PTGES3: variants seen among roughly 807,000 people sequenced by gnomAD.
PTGES3 encodes prostaglandin E synthase 3.
In PTGES3, 5 loss-of-function variants were observed where a neutral mutation model predicts 29.9. The ratio of observed to expected loss-of-function variants is 0.17; its 90% confidence interval spans 0.09 to 0.35. The LOEUF (loss-of-function observed/expected upper bound fraction) is 0.35. Among genes scored for constraint, PTGES3 ranks in the 10% least tolerant of loss-of-function variants. PTGES3 has a pLI of 1.00. For missense variants in PTGES3, 128 were observed against 190.0 expected (o/e 0.67, Z 1.92); for synonymous variants, 49 against 57.8 (o/e 0.85, Z 0.69).
At chr12:56,667,314 T>G (rs1397776978) in intron 5 of PTGES3, among the ~76,000 whole-genome samples, 2 of 152,222 alleles carry the variant, frequency 1.3e-5, no homozygotes, top group African/African-American at 2.4e-5. Context: ...TTTTCTCAAG[T>G]TTAAACCATT....
chr12:56,674,305 C>G (rs979886611), intron 1 of PTGES3, among the ~76,000 whole-genome samples: 1 of 152,162 alleles, frequency 6.6e-6, no homozygotes, highest in Non-Finnish European at 1.5e-5. Context: ...ACTAATCCTG[C>G]TGACACCTTC....
chr12:56,681,402 G>A (rs1206762105), intron 1 of PTGES3, among the ~76,000 whole-genome samples: 1 of 151,760 alleles, frequency 6.6e-6, no homozygotes. Context: ...GCCGGATGAG[G>A]TGGCGGGAGC....
At chr12:56,687,036 T>G (rs954844416) in intron 1 of PTGES3, 102 of 367,538 alleles carry the variant, frequency 2.8e-4, no homozygotes, top group Non-Finnish European at 4.1e-4. Context: ...AAAAACCCTG[T>G]AAAACCGGCA....
rs183165572 is a variant in PTGES3 at position 56,665,967 on chromosome 12, T to C, written c.438+237A>G. On this transcript the variant is annotated intron_variant, in intron 6 of 7. Coordinates refer to ENST00000262033, the MANE Select transcript of PTGES3 (RefSeq NM_006601.7). Reference sequence around the variant, plus strand: ...GTACGGTATTAATATATAATGTCTCTATACAATGATTCTTTGGAAATCTAA... The same window carrying C: ...GTACGGTATTAATATATAATGTCTCCATACAATGATTCTTTGGAAATCTAA... 3.2e-5 allele frequency: 40 copies of C among 1,251,622 alleles called. 1 individual carries two copies. In the East Asian group the frequency reaches 1.2e-3, roughly 36 times the overall value. The allele number at this position is 1,251,622 out of a possible 1,614,324, so 77.5% of individuals were successfully genotyped here.
At chr12:56,676,537 AAAG>A (rs1193214212) in intron 1 of PTGES3, among the ~76,000 whole-genome samples, 3 of 152,156 alleles carry the variant, frequency 2.0e-5, no homozygotes, top group African/African-American at 7.2e-5. Context: ...GGGGATGTTA[AAAG>A]AAGAATGCTT....
rs1164653881 is a variant in PTGES3 at position 56,673,485 on chromosome 12, G to GA, written c.3-421dup. 4.6e-3 allele frequency among the ~76,000 whole-genome samples: 292 copies of GA among 62,808 alleles called. 14 individuals are homozygous for GA. Among genetic ancestry groups the GA allele is most frequent in the Non-Finnish European group, 6.0e-3 (228 of 37,822 alleles). 41.2% of individuals were successfully genotyped at this position (62,808 alleles called of 152,430 possible). ...CGACTCTACTACAAATACAAATACG[G>GA]AAAAAAAAAAAAAAAAAAAAAAAAA... is the stretch of plus-strand genomic sequence containing the variant. On this transcript the variant is annotated intron_variant, in intron 1 of 7. Transcript: ENST00000262033.
intron 6 of PTGES3, 179 bp from the exon 7 acceptor site, chr12:56,664,979 A>G (rs1485721451): frequency 1.0e-6 from 1 of 985,332 alleles, no homozygotes; most frequent in African/African-American, 1.7e-5. Context: ...GAATGGATGT[A>G]CAGCAGAGGA....
rs1414655638 is a variant in PTGES3 at position 56,663,399 on chromosome 12, T to C, written c.*1080A>G. 1 of 152,196 alleles carries C rather than the reference T, an allele frequency of 6.6e-6. No homozygotes were observed. Among genetic ancestry groups the C allele is most frequent in the Non-Finnish European group, 1.5e-5 (1 of 68,014 alleles). 9.4% of individuals were successfully genotyped at this position (152,196 alleles called of 1,614,324 possible). ...TATTTCAATCAAATCACACAACACT[T>C]TCTTTTCCAACTGCTGCAAAGTGCA... On this transcript the variant is annotated 3_prime_UTR_variant, in exon 8 of 8. Coordinates refer to ENST00000262033, the MANE Select transcript of PTGES3 (RefSeq NM_006601.7).
chr12:56,680,574 T>C (rs1952485520), intron 1 of PTGES3, among the ~76,000 whole-genome samples: 1 of 151,866 alleles, frequency 6.6e-6, no homozygotes, highest in South Asian at 2.1e-4. Flanking sequence ...AGAGATGGGG[T>C]TTCACCACGC....
In PTGES3 at chr12:56,670,262, T is replaced by C. The variant is rs752547963; in HGVS notation, c.375+13A>G. 1 of 1,581,924 alleles carries C rather than the reference T, an allele frequency of 6.3e-7. No homozygotes were observed. Among genetic ancestry groups the C allele is most frequent in the Admixed American group, 1.7e-5 (1 of 59,954 alleles). On this transcript the variant is annotated intron_variant, in intron 5 of 7. Transcript: ENST00000262033. ...TGCTTCGAATGGGGAGAGGTCCATT[T>C]AAAGGAACTTACCTCAGAGAAACGA...
At chr12:56,680,781 GTTTTT>G (rs11302495) in intron 1 of PTGES3, among the ~76,000 whole-genome samples, 1 of 141,846 alleles carries the variant, frequency 7.0e-6, no homozygotes, top group Non-Finnish European at 1.5e-5. Context: ...TTTTTTAAAA[GTTTTT>G]TTTTTTTTTT....
chr12:56,672,859 TTAA>T (rs780035438), intron 2 of PTGES3, 50 bp from the exon 3 acceptor site: 65 of 1,549,812 alleles, frequency 4.2e-5, no homozygotes, highest in Non-Finnish European at 5.6e-5. Flanking sequence ...GAGACAAAGA[TTAA>T]TAATAACTTC....
intron 1 of PTGES3, among the ~76,000 whole-genome samples, chr12:56,677,194 G>A (rs2137665000): frequency 6.6e-6 from 1 of 151,048 alleles, no homozygotes; most frequent in South Asian, 2.1e-4. Context: ...AAGCCAGATA[G>A]CGCCACTGCA....
At chr12:56,671,676 C>T in intron 4 of PTGES3, 73 bp downstream of exon 4, 2 of 967,670 alleles carry the variant, frequency 2.1e-6, no homozygotes, top group Middle Eastern at 3.5e-4. Context: ...ATATTCCTTA[C>T]ATCAAATAAG....
At chr12:56,687,668 C>T (rs1261662146) in intron 1 of PTGES3, 1 of 1,251,492 alleles carries the variant, frequency 8.0e-7, no homozygotes, top group Non-Finnish European at 1.0e-6. Flanking sequence ...CGCTTCAGGG[C>T]GCCGCATGGC....
chr12:56,687,684 G>A (rs1952945835), intron 1 of PTGES3: 6 of 1,286,526 alleles, frequency 4.7e-6, no homozygotes, highest in Non-Finnish European at 4.9e-6. Context: ...ATGGCGAGCA[G>A]CTACCGGGAG....
chr12:56,666,065 T>C lies in PTGES3; in HGVS notation c.438+139A>G, dbSNP rs535213856. The stretch of plus-strand genomic sequence containing the variant: ...CCCATTCGTCAAAAATGGGCACATT[T>C]TAAAAATTGCTTTTCCCTTTTCTTT... On this transcript the variant is annotated intron_variant, in intron 6 of 7. Coordinates refer to ENST00000262033, the MANE Select transcript of PTGES3 (RefSeq NM_006601.7). 41 of 1,402,586 alleles carry C rather than the reference T, an allele frequency of 2.9e-5. No individual in the cohort carries two copies. In the African/African-American group the frequency reaches 4.9e-4, roughly 17 times the overall value. The allele number at this position is 1,402,586 out of a possible 1,614,324, so 86.9% of individuals were successfully genotyped here.
At chr12:56,684,134 G>C (rs534173535) in intron 1 of PTGES3, among the ~76,000 whole-genome samples, 7 of 152,086 alleles carry the variant, frequency 4.6e-5, no homozygotes, top group Non-Finnish European at 7.4e-5. Flanking sequence ...GATTGGTTCT[G>C]AACAGTTGAT....
chr12:56,666,103 TAAG>T (rs535191823), intron 6 of PTGES3, 98 bp downstream of exon 6: 10 of 1,384,476 alleles, frequency 7.2e-6, no homozygotes, highest in Admixed American at 6.3e-5. Context: ...TTTTAGAAAA[TAAG>T]AAGTAATTGT....
Sources: allele counts gnomAD v4.1 joint callset (sites outside exome capture counted in the v4.1 genomes callset), GRCh38; gene constraint gnomAD v4.1.1; transcripts MANE v1.5; gene names NCBI Gene and HGNC (gene_info 2026-07-23, HGNC 2026-07-21).